MARCHF7: variants seen among roughly 807,000 people sequenced by gnomAD.
The protein encoded by MARCHF7 is E3 ubiquitin-protein ligase MARCHF7.
Under a neutral mutation model 76.5 loss-of-function variants are expected in MARCHF7, and 20 were observed. That is an observed-to-expected ratio of 0.26 (90% CI 0.18 to 0.38). The LOEUF (loss-of-function observed/expected upper bound fraction) is 0.38, where lower values mean the gene tolerates loss of function less well. Among genes scored for constraint, MARCHF7 ranks in the 10% least tolerant of loss-of-function variants. The pLI, the probability that MARCHF7 is intolerant of heterozygous loss-of-function variation, is 1.00. For synonymous variants in MARCHF7, 295 were observed against 293.0 expected, an observed-to-expected ratio of 1.01 and a Z score of -0.07; for missense variants, 797 against 812.9, an observed-to-expected ratio of 0.98 and a Z score of 0.24.
At chr2:159,759,875 CTGTT>C (rs1232355963) in intron 9 of MARCHF7, among the ~76,000 whole-genome samples, 1 of 152,174 alleles carries the variant, frequency 6.6e-6, no homozygotes, top group East Asian at 1.9e-4. Flanking sequence ...GACGGGATGA[CTGTT>C]TGAGGCCAGG....
At chr2:159,726,244 G>A (rs1031642794) in intron 3 of MARCHF7, among the ~76,000 whole-genome samples, 61 of 147,710 alleles carry the variant, frequency 4.1e-4, no homozygotes, top group African/African-American at 1.4e-3. Flanking sequence ...GTTTTGTTTT[G>A]TTTTGTTTTG....
chr2:159,752,709 A>G lies in MARCHF7; in HGVS notation c.1783+138A>G, dbSNP rs1267136601. On this transcript the variant is annotated intron_variant, in intron 8 of 11. Transcript: ENST00000409175. ...TCATTTTTGAAGTCTCAGCAGAAGC[A>G]TTAAAGAGCATTAGTGTTTCTTTGT... The G allele has an allele frequency of 9.6e-6, 7 of 729,450 alleles. No individual in the cohort carries two copies. In the African/African-American group the frequency reaches 1.1e-4, roughly 11 times the overall value. The allele number at this position is 729,450 out of a possible 1,614,324, so 45.2% of individuals were successfully genotyped here.
At chr2:159,729,205 CAGCCT>C (rs1702495918) in intron 4 of MARCHF7, 30 bp downstream of exon 4, 1 of 1,506,450 alleles carries the variant, frequency 6.6e-7, no homozygotes. Flanking sequence ...TATATGTATA[CAGCCT>C]TTTTCAAAAT....
chr2:159,751,464 C>T (rs1037618786), intron 7 of MARCHF7, among the ~76,000 whole-genome samples: 10 of 152,010 alleles, frequency 6.6e-5, no homozygotes, highest in Non-Finnish European at 1.5e-4. Context: ...ATGTAAATAC[C>T]ATGTTTTCAA....
chr2:159,730,718 G>A (rs1158989922), intron 4 of MARCHF7, among the ~76,000 whole-genome samples: 1 of 152,076 alleles, frequency 6.6e-6, no homozygotes, highest in East Asian at 1.9e-4. Flanking sequence ...GTGTTTTCCT[G>A]TATTGTCTTC....
chr2:159,731,092 C>CT (rs1702735731), intron 4 of MARCHF7, among the ~76,000 whole-genome samples: 1 of 152,100 alleles, frequency 6.6e-6, no homozygotes, highest in African/African-American at 2.4e-5. Flanking sequence ...TGGGGTTTCG[C>CT]TATGTTGCCC....
intron 4 of MARCHF7, among the ~76,000 whole-genome samples, chr2:159,732,433 C>T (rs1339771289): frequency 2.0e-5 from 3 of 152,114 alleles, no homozygotes; most frequent in Non-Finnish European, 2.9e-5. Context: ...GGAGCAGTTT[C>T]AGCCATAAGT....
intron 5 of MARCHF7, among the ~76,000 whole-genome samples, 189 bp downstream of exon 5, chr2:159,743,442 G>GC (rs1195432958): frequency 2.0e-5 from 3 of 152,132 alleles, no homozygotes; most frequent in Admixed American, 2.0e-4. Flanking sequence ...TTGTAAAATT[G>GC]ATATAGATAT....
Position 159,762,896 on chromosome 2 carries a change from T to A in MARCHF7, c.1910T>A (p.Ile637Asn). 6.2e-7 allele frequency: 1 copy of A among 1,608,110 alleles called. No individual in the cohort carries two copies. Among genetic ancestry groups the A allele is most frequent in the Non-Finnish European group, 8.5e-7 (1 of 1,178,014 alleles). The stretch of plus-strand genomic sequence containing the variant: ...CTGTTGAAGGCTGAGTATGAGTTTA[T>A]CAGCTCTGGTCTCTACCTAGTGGTG... The part of the protein sequence containing the change: ...HANEQAEYEF[I>N]SSGLYLVVLL... The change falls in exon 10 of 12, where the codon ATC becomes AAC. Residue 637 changes from isoleucine to asparagine, a missense_variant. This residue lies in a region of MARCHF7 where 124 missense variants were observed against 121.3 expected (regional missense o/e 1.02). Coordinates refer to ENST00000409175, the MANE Select transcript of MARCHF7 (RefSeq NM_001282805.2).
At chr2:159,765,087 T>C (rs1380435561) in intron 11 of MARCHF7, among the ~76,000 whole-genome samples, 1 of 152,156 alleles carries the variant, frequency 6.6e-6, no homozygotes, top group Non-Finnish European at 1.5e-5. Context: ...AGATTATTCC[T>C]GGGCTTACCT....
chr2:159,740,114 CTA>C (rs1230950893), intron 4 of MARCHF7, among the ~76,000 whole-genome samples: 1 of 152,172 alleles, frequency 6.6e-6, no homozygotes, highest in African/African-American at 2.4e-5. Context: ...TAATTGCCCT[CTA>C]TTCCCATTAC....
At chr2:159,748,928 C>G (rs1326218303) in intron 7 of MARCHF7, 25 bp downstream of exon 7, 34 of 1,518,954 alleles carry the variant, frequency 2.2e-5, no homozygotes, top group Non-Finnish European at 3.0e-5. Flanking sequence ...CTGTCTTAAG[C>G]CTATAAATCA....
chr2:159,721,453 G>A (rs1701632707), intron 3 of MARCHF7, among the ~76,000 whole-genome samples: 1 of 152,124 alleles, frequency 6.6e-6, no homozygotes, highest in Non-Finnish European at 1.5e-5. Context: ...AATGCCTTAA[G>A]GTGAAGACAT....
intron 8 of MARCHF7, among the ~76,000 whole-genome samples, chr2:159,757,763 T>C (rs1706515434): frequency 6.6e-6 from 1 of 152,228 alleles, no homozygotes; most frequent in African/African-American, 2.4e-5. Flanking sequence ...TAAGAGAATC[T>C]GTAGTAAATT....
In MARCHF7 at chr2:159,752,414, G is replaced by A. The variant is rs765171519; in HGVS notation, c.1626G>A (p.Glu542=). ...LQKIKESLLL[E]DSEEEEGDLC... ...CCTTCTTTTCCAGCCTCCTTTTAGAGGACTCAGAAGAAGAAGAAGGTGACT... is the reference window on the plus strand; with the variant it reads ...CCTTCTTTTCCAGCCTCCTTTTAGAAGACTCAGAAGAAGAAGAAGGTGACT... The change falls in exon 8 of 12, where the codon GAG becomes GAA. Residue 542 remains glutamate (E), a synonymous_variant. Transcript: ENST00000409175. 6.3e-7 allele frequency: 1 copy of A among 1,588,620 alleles called. No individual in the cohort carries two copies. Among genetic ancestry groups the A allele is most frequent in the Admixed American group, 1.8e-5 (1 of 54,238 alleles).
At position 159,717,246 on chromosome 2, in the gene MARCHF7, A is replaced by C. The variant is rs145337222; in HGVS notation, c.-15+1480A>C. ...TGGGGAAGTAAGACTGCCTCATCCT[A>C]GGCAGTGCAGCAACGTTGCATTACA... On this transcript the variant is annotated intron_variant, in intron 3 of 11. Coordinates refer to ENST00000409175, the MANE Select transcript of MARCHF7 (RefSeq NM_001282805.2). Among the ~76,000 whole-genome samples, 538 of 152,274 alleles carry C rather than the reference A, an allele frequency of 3.5e-3. 1 individual carries two copies. The highest frequency in any genetic ancestry group is 0.013 in the African/African-American group (520 of 41,546).
chr2:159,732,154 G>C (rs1702887431), intron 4 of MARCHF7, among the ~76,000 whole-genome samples: 1 of 152,006 alleles, frequency 6.6e-6, no homozygotes, highest in Non-Finnish European at 1.5e-5. Flanking sequence ...TCATGTTAAT[G>C]ACTTCAAAAT....
intron 8 of MARCHF7, among the ~76,000 whole-genome samples, chr2:159,756,183 T>C (rs1706268229): frequency 6.6e-6 from 1 of 152,198 alleles, no homozygotes; most frequent in African/African-American, 2.4e-5. Flanking sequence ...TGACTCAACT[T>C]CTGATACACA....
intron 4 of MARCHF7, chr2:159,733,064 T>G: frequency 1.9e-6 from 1 of 514,740 alleles, no homozygotes; most frequent in Non-Finnish European, 2.3e-6. Context: ...TTTATTTAGT[T>G]ATAATTATTT....
Sources: allele counts gnomAD v4.1 joint callset (sites outside exome capture counted in the v4.1 genomes callset), GRCh38; gene constraint gnomAD v4.1.1; regional missense constraint gnomAD v4.1.1; transcripts MANE v1.5; gene names NCBI Gene and HGNC (gene_info 2026-07-23, HGNC 2026-07-21).